HSPA5: variants seen among roughly 807,000 people sequenced by gnomAD.
HSPA5 encodes the protein endoplasmic reticulum chaperone BiP.
A neutral mutation model predicts 49.5 loss-of-function variants in HSPA5; 16 were observed. That is an observed-to-expected ratio of 0.32 (90% CI 0.22 to 0.49). The LOEUF is 0.49. Ranked by LOEUF, HSPA5 falls within the 20% of genes least tolerant of loss-of-function variation. The probability of loss-of-function intolerance (pLI) is 0.99; values close to 1 mark genes in which losing one functional copy is unlikely to be tolerated. For synonymous variants in HSPA5, 271 were observed against 307.2 expected, an observed-to-expected ratio of 0.88 and a Z score of 1.23; for missense variants, 376 against 819.0, an observed-to-expected ratio of 0.46 and a Z score of 6.60.
chr9:125,236,537 A>G lies in HSPA5; in HGVS notation c.*55T>C. The stretch of plus-strand genomic sequence containing the variant: ...ACTTAAGTTCTTTCAATTTTTTCCT[A>G]ACAAAAGTTCCTGAGTCCAGTATTT... On this transcript the variant is annotated 3_prime_UTR_variant, in exon 8 of 8. Coordinates refer to ENST00000324460, the MANE Select transcript of HSPA5 (RefSeq NM_005347.5). 3.8e-6 allele frequency: 5 copies of G among 1,309,120 alleles called. No individual in the cohort carries two copies. The highest frequency in any genetic ancestry group is 5.3e-6 in the Non-Finnish European group (5 of 952,114). The allele number at this position is 1,309,120 out of a possible 1,614,324, so 81.1% of individuals were successfully genotyped here. A position where few individuals can be genotyped will look rare whatever the true frequency, so the allele number is the denominator to read the frequency against.
Position 125,240,367 on chromosome 9 carries a change from A to T in HSPA5, c.355-58T>A. 6.8e-7 allele frequency: 1 copy of T among 1,467,402 alleles called. No individual in the cohort carries two copies. The highest frequency in any genetic ancestry group is 1.2e-5 in the South Asian group (1 of 81,392). The allele number at this position is 1,467,402 out of a possible 1,614,324, so 90.9% of individuals were successfully genotyped here. On this transcript the variant is annotated intron_variant, in intron 2 of 7. Transcript: ENST00000324460. This position sits in a 1 kb window ranked among gnomAD's most constrained non-coding sequence, Gnocchi z 4.4. ...ATACAATGACATCTCAAAGTTTAAA[A>T]GACCCACTACCATCCCCACAATTTG...
chr9:125,238,914 T>A, intron 5 of HSPA5, 27 bp downstream of exon 5: 4 of 1,602,716 alleles, frequency 2.5e-6, no homozygotes, highest in Non-Finnish European at 3.4e-6. Flanking sequence ...GAGATCTCAT[T>A]AGCAAAGCAG....
intron 5 of HSPA5, 27 bp downstream of exon 5, chr9:125,238,914 T>C: frequency 6.2e-7 from 1 of 1,602,716 alleles, no homozygotes; most frequent in Non-Finnish European, 8.5e-7. Flanking sequence ...GAGATCTCAT[T>C]AGCAAAGCAG....
Position 125,235,565 on chromosome 9 carries a change from T to C in HSPA5, c.*1027A>G, listed in dbSNP as rs1832478208. 1 of 152,064 alleles carries C rather than the reference T, an allele frequency of 6.6e-6. No individual in the cohort carries two copies. The highest frequency in any genetic ancestry group is 2.1e-4 in the South Asian group (1 of 4,824). The allele number at this position is 152,064 out of a possible 1,614,324, so 9.4% of individuals were successfully genotyped here. On this transcript the variant is annotated 3_prime_UTR_variant, in exon 8 of 8. Coordinates refer to ENST00000324460, the MANE Select transcript of HSPA5 (RefSeq NM_005347.5). ...TTCTTCAGGAACACAATCTAAGTAATCCTAAACCAGTTTTGACACAAACCA... is the reference window on the plus strand; with the variant it reads ...TTCTTCAGGAACACAATCTAAGTAACCCTAAACCAGTTTTGACACAAACCA...
In HSPA5 at chr9:125,239,147, C is replaced by T; in HGVS notation, c.790G>A (p.Glu264Lys). 3.1e-6 allele frequency: 5 copies of T among 1,614,078 alleles called. No homozygotes were observed. Among genetic ancestry groups the T allele is most frequent in the Non-Finnish European group, 4.2e-6 (5 of 1,179,998 alleles). The change falls in exon 5 of 8, where the codon GAA (glutamate) becomes AAA (lysine). Residue 264 changes from glutamate to lysine, a missense_variant. Glu to Lys is a moderately conservative substitution (Grantham distance 56, BLOSUM62 1). Coordinates refer to ENST00000324460, the MANE Select transcript of HSPA5 (RefSeq NM_005347.5). The surrounding 1 kb of genome is among the most constrained non-coding windows in gnomAD (Gnocchi z 5.5). The stretch of plus-strand genomic sequence containing the variant: ...TTTTTGTACAGTTTGATGAAGTGTT[C>T]CATGACACGCTGGTCAAAGTCTTCT... ...GGEDFDQRVM[E>K]HFIKLYKKKT...
At chr9:125,238,871 T>C (rs1296887794) in intron 5 of HSPA5, 44 bp from the exon 6 acceptor site, 2 of 1,605,544 alleles carry the variant, frequency 1.2e-6, no homozygotes, top group African/African-American at 1.3e-5. Flanking sequence ...TATCTAAGTA[T>C]CTAGATGCAA....
In HSPA5 at chr9:125,238,929, C is replaced by G; in HGVS notation, c.996+12G>C. The stretch of plus-strand genomic sequence containing the variant: ...GAGATCTCATTAGCAAAGCAGAAAA[C>G]AAGGAACATACCATGTTGAGCTCTT... On this transcript the variant is annotated intron_variant, in intron 5 of 7. Transcript: ENST00000324460. The G allele has an allele frequency of 6.2e-7, 1 of 1,603,128 alleles. No individual in the cohort carries two copies. The highest frequency in any genetic ancestry group is 1.1e-5 in the South Asian group (1 of 89,842).
In HSPA5 at chr9:125,240,042, T is replaced by G; in HGVS notation, c.492+130A>C. The G allele has an allele frequency of 1.6e-6, 1 of 612,456 alleles. No homozygotes were observed. Among genetic ancestry groups the G allele is most frequent in the Admixed American group, 3.3e-5 (1 of 30,130 alleles). The allele number at this position is 612,456 out of a possible 1,614,324, so 37.9% of individuals were successfully genotyped here. A position where few individuals can be genotyped will look rare whatever the true frequency, so the allele number is the denominator to read the frequency against. ...GGCTTATAGTAAGGGACTCAATAAT[T>G]AAACCTGACAAGCATGAATACCATT... On this transcript the variant is annotated intron_variant, in intron 3 of 7. Transcript: ENST00000324460. The surrounding 1 kb of genome is among the most constrained non-coding windows in gnomAD (Gnocchi z 4.4).
Position 125,236,490 on chromosome 9 carries a change from G to A in HSPA5, c.*102C>T. The stretch of plus-strand genomic sequence containing the variant: ...AGCAGTTTCAACTCCACTCTGAGGT[G>A]AAGATTCCAATTACATTCGAGACTT... On this transcript the variant is annotated 3_prime_UTR_variant, in exon 8 of 8. Transcript: ENST00000324460. 2 of 827,998 alleles carry A rather than the reference G, an allele frequency of 2.4e-6. No individual in the cohort carries two copies. Among genetic ancestry groups the A allele is most frequent in the Non-Finnish European group, 3.8e-6 (2 of 532,882 alleles). 51.3% of individuals were successfully genotyped at this position (827,998 alleles called of 1,614,324 possible).
In HSPA5 at chr9:125,237,670, A is replaced by AT. The variant is rs1422670892; in HGVS notation, c.1402+470dup. Among the ~76,000 whole-genome samples the AT allele has an allele frequency of 5.5e-5, 8 of 145,022 alleles. No individual in the cohort carries two copies. In the East Asian group the frequency reaches 1.2e-3, roughly 22 times the overall value. Reference sequence around the variant, plus strand: ...AGCCTAGGCGACAGAGCAAGACTCCATTAAAAAAAAAAAAAAAAGAATGCT... The same window carrying AT: ...AGCCTAGGCGACAGAGCAAGACTCCATTTAAAAAAAAAAAAAAAAGAATGCT... On this transcript the variant is annotated intron_variant, in intron 7 of 7. Transcript: ENST00000324460.
Position 125,236,518 on chromosome 9 carries a change from G to A in HSPA5, c.*74C>T. On this transcript the variant is annotated 3_prime_UTR_variant, in exon 8 of 8. Coordinates refer to ENST00000324460, the MANE Select transcript of HSPA5 (RefSeq NM_005347.5). ...GATTCCAATTACATTCGAGACTTAA[G>A]TTCTTTCAATTTTTTCCTAACAAAA... 1 of 1,074,792 alleles carries A rather than the reference G, an allele frequency of 9.3e-7. No individual in the cohort carries two copies. Among genetic ancestry groups the A allele is most frequent in the South Asian group, 1.6e-5 (1 of 62,074 alleles). 66.6% of individuals were successfully genotyped at this position (1,074,792 alleles called of 1,614,324 possible).
In HSPA5 at chr9:125,240,598, C is replaced by G; in HGVS notation, c.354+78G>C. 2 of 1,224,616 alleles carry G rather than the reference C, an allele frequency of 1.6e-6. No individual in the cohort carries two copies. Among genetic ancestry groups the G allele is most frequent in the Non-Finnish European group, 1.2e-6 (1 of 844,900 alleles). 75.9% of individuals were successfully genotyped at this position (1,224,616 alleles called of 1,614,324 possible). On this transcript the variant is annotated intron_variant, in intron 2 of 7. Coordinates refer to ENST00000324460, the MANE Select transcript of HSPA5 (RefSeq NM_005347.5). This position sits in a 1 kb window ranked among gnomAD's most constrained non-coding sequence, Gnocchi z 4.4. ...ATAACCTTCAACTGTTGTCTCAACA[C>G]TTTTCCAGAGACTTATAACTCTAAA...
intron 6 of HSPA5, 91 bp downstream of exon 6, chr9:125,238,499 G>T: frequency 8.8e-7 from 1 of 1,134,540 alleles, no homozygotes; most frequent in Non-Finnish European, 1.3e-6. Context: ...TGACCTTGTT[G>T]CTCATATTCT....
chr9:125,237,995 T>C, intron 7 of HSPA5, 146 bp downstream of exon 7: 1 of 619,324 alleles, frequency 1.6e-6, no homozygotes, highest in Non-Finnish European at 2.8e-6. Context: ...CCAGCTACTC[T>C]GGAGGCTGAG....
In HSPA5 at chr9:125,240,609, A is replaced by AC; in HGVS notation, c.354+66dup. On this transcript the variant is annotated intron_variant, in intron 2 of 7. Coordinates refer to ENST00000324460, the MANE Select transcript of HSPA5 (RefSeq NM_005347.5). The surrounding 1 kb of genome is among the most constrained non-coding windows in gnomAD (Gnocchi z 4.4). The stretch of plus-strand genomic sequence containing the variant: ...CTGTTGTCTCAACACTTTTCCAGAG[A>AC]CTTATAACTCTAAATACTCCCACCA... The AC allele has an allele frequency of 7.6e-7, 1 of 1,312,544 alleles. No homozygotes were observed. The highest frequency in any genetic ancestry group is 1.1e-6 in the Non-Finnish European group (1 of 918,032). 81.3% of individuals were successfully genotyped at this position (1,312,544 alleles called of 1,614,324 possible).
In HSPA5 at chr9:125,239,760, T is replaced by C. The variant is rs556250050; in HGVS notation, c.493-227A>G. 6.6e-6 allele frequency among the ~76,000 whole-genome samples: 1 copy of C among 151,346 alleles called. No individual in the cohort carries two copies. Among genetic ancestry groups the C allele is most frequent in the East Asian group, 1.9e-4 (1 of 5,168 alleles). On this transcript the variant is annotated intron_variant, in intron 3 of 7. Coordinates refer to ENST00000324460, the MANE Select transcript of HSPA5 (RefSeq NM_005347.5). This position sits in a 1 kb window ranked among gnomAD's most constrained non-coding sequence, Gnocchi z 5.5. ...AAAAAATTAGCCAGGTGTGGTGGTGTGCCTGTAGTTCCAGTTACTTGGGAG... is the reference window on the plus strand; with the variant it reads ...AAAAAATTAGCCAGGTGTGGTGGTGCGCCTGTAGTTCCAGTTACTTGGGAG...
In HSPA5 at chr9:125,239,067, G is replaced by A. The variant is rs201700189; in HGVS notation, c.870C>T (p.Arg290=). The part of the protein sequence containing the change: ...KDNRAVQKLR[R]EVEKAKRALS... ...GGGCCCGTTTGGCCTTTTCTACCTC[G>A]CGCCGGAGTTTCTGCACAGCTCTAT... Residue 290 remains arginine, a synonymous_variant, in exon 5 of 8, where the codon CGC becomes CGT. Transcript: ENST00000324460. The surrounding 1 kb of genome is among the most constrained non-coding windows in gnomAD (Gnocchi z 5.5). 18 of 1,614,084 alleles carry A rather than the reference G, an allele frequency of 1.1e-5. No individual in the cohort carries two copies. The highest frequency in any genetic ancestry group is 4.5e-5 in the East Asian group (2 of 44,874).
Position 125,240,703 on chromosome 9 carries a change from C to T in HSPA5, c.327G>A (p.Gln109=), listed in dbSNP as rs1832554035. Residue 109 remains glutamine (Q), a synonymous_variant, in exon 2 of 8, where the codon CAG becomes CAA. Transcript: ENST00000324460. This position sits in a 1 kb window ranked among gnomAD's most constrained non-coding sequence, Gnocchi z 4.4. ...TGAACGGCAAGAACTTGATGTCCTG[C>T]TGCACAGACGGGTCATTCCACGTGC... is the stretch of plus-strand genomic sequence containing the variant. ...IGRTWNDPSV[Q]QDIKFLPFKV... The T allele has an allele frequency of 6.2e-7, 1 of 1,614,018 alleles. No individual in the cohort carries two copies.
At position 125,240,295 on chromosome 9, in the gene HSPA5, T is replaced by C. The variant is rs1832548052; in HGVS notation, c.369A>G (p.Lys123=). 6.2e-7 allele frequency: 1 copy of C among 1,603,734 alleles called. No individual in the cohort carries two copies. ...TATCAACTTGAATGTATGGTTTAGTTTTCTTTTCAACCACCTATTTTAAAG... is the reference window on the plus strand; with the variant it reads ...TATCAACTTGAATGTATGGTTTAGTCTTCTTTTCAACCACCTATTTTAAAG... ...KFLPFKVVEK[K]TKPYIQVDIG... The change falls in exon 3 of 8, where the codon AAA becomes AAG. Residue 123 remains lysine, a synonymous_variant. Transcript: ENST00000324460. This position sits in a 1 kb window ranked among gnomAD's most constrained non-coding sequence, Gnocchi z 4.4.
Sources: gnomAD v4.1 joint callset for allele counts (sites outside exome capture counted in the v4.1 genomes callset) on GRCh38, gnomAD v4.1.1 for gene constraint, Gnocchi (gnomAD v3.1) non-coding constraint, MANE v1.5 for transcripts, NCBI Gene and HGNC (gene_info 2026-07-23, HGNC 2026-07-21) for gene names.